Variants in ROBO3 observed in about 807,000 individuals in gnomAD.
The protein encoded by ROBO3 is roundabout homolog 3.
ROBO3 carries 97 observed loss-of-function variants against 160.5 expected under a neutral mutation model. The ratio of observed to expected loss-of-function variants is 0.60; its 90% CI spans 0.51 to 0.72. ROBO3 has a LOEUF of 0.72. Among genes scored for constraint, ROBO3 ranks in the 30% least tolerant of loss-of-function variants. The pLI, the probability that ROBO3 is intolerant of heterozygous loss-of-function variation, is 0.00. For missense variants in ROBO3, 1,858 were observed against 1,846.5 expected, an observed-to-expected ratio of 1.01 and a Z score of -0.11; for synonymous variants, 780 against 746.2, an observed-to-expected ratio of 1.05 and a Z score of -0.74.
In ROBO3 at chr11:124,873,253, C is replaced by G; in HGVS notation, c.1537-57C>G. 6.6e-7 allele frequency: 1 copy of G among 1,512,526 alleles called. No individual in the cohort carries two copies. Among genetic ancestry groups the G allele is most frequent in the Non-Finnish European group, 9.1e-7 (1 of 1,104,572 alleles). The allele number at this position is 1,512,526 out of a possible 1,614,324, so 93.7% of individuals were successfully genotyped here. ...CCATCCTTCTGCTACCCGCCTCCACCCCCTCACTGGATCTTGCTCCACTCT... is the reference window on the plus strand; with the variant it reads ...CCATCCTTCTGCTACCCGCCTCCACGCCCTCACTGGATCTTGCTCCACTCT... On this transcript the variant is annotated intron_variant, in intron 9 of 27. Transcript: ENST00000397801. This position sits in a 1 kb window ranked among gnomAD's most constrained non-coding sequence, Gnocchi z 4.5.
At position 124,877,499 on chromosome 11, in the gene ROBO3, G is replaced by A. The variant is rs748403857; in HGVS notation, c.2847-20G>A. The A allele has an allele frequency of 2.5e-6, 4 of 1,599,632 alleles. No homozygotes were observed. Among genetic ancestry groups the A allele is most frequent in the Admixed American group, 3.5e-5 (2 of 57,680 alleles). On this transcript the variant is annotated intron_variant, in intron 19 of 27. Transcript: ENST00000397801. ...CCTCTTCAGGCTCTCCGTCCCCAACGCTCACCTGCTCTCCCTCAGGCCACC... is the reference window on the plus strand; with the variant it reads ...CCTCTTCAGGCTCTCCGTCCCCAACACTCACCTGCTCTCCCTCAGGCCACC...
Position 124,870,184 on chromosome 11 carries a change from C to G in ROBO3, c.786C>G (p.Arg262=). The change falls in exon 5 of 28, where the codon CGC becomes CGG. Residue 262 remains arginine (R), a synonymous_variant. Transcript: ENST00000397801. ...VMVLERPSFL[R]RPVNQVVLAD... ...CCATAGAGCGTCCCTCATTCCTGCG[C>G]AGACCAGTGAATCAGGTGGTCCTGG... 1 of 1,614,060 alleles carries G rather than the reference C, an allele frequency of 6.2e-7. No homozygotes were observed. Among genetic ancestry groups the G allele is most frequent in the South Asian group, 1.1e-5 (1 of 91,086 alleles).
Position 124,877,540 on chromosome 11 carries a change from C to A in ROBO3, c.2868C>A (p.Pro956=). The change falls in exon 20 of 28, where the codon CCC becomes CCA. Residue 956 remains proline, a synonymous_variant. Transcript: ENST00000397801. ...TCAGGCCACCCATGGGCCTTGGCCCCGCCCCCTACTCATGGCTGGCAGATT... is the reference window on the plus strand; with the variant it reads ...TCAGGCCACCCATGGGCCTTGGCCCAGCCCCCTACTCATGGCTGGCAGATT... ...ASSRPPMGLG[P]APYSWLADSW... 1 of 1,601,122 alleles carries A rather than the reference C, an allele frequency of 6.2e-7. No homozygotes were observed.
At chr11:124,870,827 T>A (rs1946271525) in intron 6 of ROBO3, 99 bp downstream of exon 6, 4 of 1,549,158 alleles carry the variant, frequency 2.6e-6, no homozygotes, top group Admixed American at 1.9e-5. Flanking sequence ...GAGAAGGGCA[T>A]GTGGATGGAA....
chr11:124,879,349 T>C lies in ROBO3; in HGVS notation c.3685+8T>C. The C allele has an allele frequency of 6.2e-7, 1 of 1,607,492 alleles. No homozygotes were observed. The highest frequency in any genetic ancestry group is 8.5e-7 in the Non-Finnish European group (1 of 1,175,642). On this transcript the variant is annotated splice_region_variant and intron_variant, in intron 24 of 27. Coordinates refer to ENST00000397801, the MANE Select transcript of ROBO3 (RefSeq NM_022370.4). ...CAGCCAGCAGTGCCCCAGGTAAGTC[T>C]CTACAACCTCCTTTTGCCCCCCGGC...
chr11:124,875,829 T>C, intron 15 of ROBO3, 125 bp from the exon 16 acceptor site: 7 of 1,440,114 alleles, frequency 4.9e-6, no homozygotes, highest in Non-Finnish European at 6.7e-6. Flanking sequence ...GAGAGAGGTT[T>C]CCAAGTGTTG....
intron 27 of ROBO3, 143 bp downstream of exon 27, chr11:124,880,751 A>G (rs1161708256): frequency 1.0e-5 from 12 of 1,204,612 alleles, no homozygotes; most frequent in Non-Finnish European, 1.3e-5. Context: ...GGAGGGAGGA[A>G]TCCTGTAGAA....
At position 124,877,544 on chromosome 11, in the gene ROBO3, C is replaced by A. The variant is rs1252634425; in HGVS notation, c.2872C>A (p.Pro958Thr). ...SRPPMGLGPA[P>T]YSWLADSWPH... Reference sequence around the variant, plus strand: ...GCCACCCATGGGCCTTGGCCCCGCCCCCTACTCATGGCTGGCAGATTCGTG... The same window carrying A: ...GCCACCCATGGGCCTTGGCCCCGCCACCTACTCATGGCTGGCAGATTCGTG... Residue 958 changes from proline to threonine, a missense_variant, in exon 20 of 28, where the codon CCC becomes ACC. Transcript: ENST00000397801. The A allele has an allele frequency of 1.9e-6, 3 of 1,601,644 alleles. No homozygotes were observed. In the African/African-American group the frequency reaches 4.0e-5, roughly 21 times the overall value.
At chr11:124,867,236 G>T (rs533410493) in intron 1 of ROBO3, among the ~76,000 whole-genome samples, 1 of 152,200 alleles carries the variant, frequency 6.6e-6, no homozygotes, top group Non-Finnish European at 1.5e-5. Context: ...CCAAGATAAG[G>T]TGCATATGCT....
At chr11:124,877,391 G>C in intron 19 of ROBO3, 82 bp downstream of exon 19, 1 of 1,593,378 alleles carries the variant, frequency 6.3e-7, no homozygotes, top group Non-Finnish European at 8.6e-7. Context: ...CCCAGGTGGA[G>C]GGAGCATGGC....
At position 124,878,732 on chromosome 11, in the gene ROBO3, A is replaced by C; in HGVS notation, c.3469A>C (p.Thr1157Pro). 3 of 1,613,620 alleles carry C rather than the reference A, an allele frequency of 1.9e-6. No homozygotes were observed. The highest frequency in any genetic ancestry group is 2.2e-5 in the East Asian group (1 of 44,852). Reference protein sequence around the residue: ...SYGQQSTATLTPSPPDPPQPP... With the variant: ...SYGQQSTATLPPSPPDPPQPP... ...TGGACAGCAGTCCACAGCCACTCTT[A>C]CACCCTCACCTCCTGACCCTCCCCA... is the stretch of plus-strand genomic sequence containing the variant. Residue 1157 changes from threonine to proline, a missense_variant, in exon 23 of 28, where the codon ACA becomes CCA. Thr to Pro is a conservative substitution (Grantham distance 38). Coordinates refer to ENST00000397801, the MANE Select transcript of ROBO3 (RefSeq NM_022370.4). The surrounding 1 kb of genome is among the most constrained non-coding windows in gnomAD (Gnocchi z 4.3).
Position 124,873,242 on chromosome 11 carries a change from C to A in ROBO3, c.1537-68C>A. The A allele has an allele frequency of 6.8e-7, 1 of 1,473,220 alleles. No individual in the cohort carries two copies. Among genetic ancestry groups the A allele is most frequent in the South Asian group, 1.2e-5 (1 of 82,632 alleles). 91.3% of individuals were successfully genotyped at this position (1,473,220 alleles called of 1,614,324 possible). A position where few individuals can be genotyped will look rare whatever the true frequency, so the allele number is the denominator to read the frequency against. The stretch of plus-strand genomic sequence containing the variant: ...CCAACATCTTCCCATCCTTCTGCTA[C>A]CCGCCTCCACCCCCTCACTGGATCT... On this transcript the variant is annotated intron_variant, in intron 9 of 27. Coordinates refer to ENST00000397801, the MANE Select transcript of ROBO3 (RefSeq NM_022370.4). This position sits in a 1 kb window ranked among gnomAD's most constrained non-coding sequence, Gnocchi z 4.5.
chr11:124,871,084 C>T lies in ROBO3; in HGVS notation c.1104C>T (p.Cys368=), dbSNP rs35978862. 72,576 of 1,613,342 alleles carry T rather than the reference C, an allele frequency of 0.045. 3,637 individuals carry two copies. The highest frequency in any genetic ancestry group is 0.26 in the African/African-American group (19,740 of 74,954). The change falls in exon 7 of 28, where the codon TGC becomes TGT. Residue 368 remains cysteine (C), a synonymous_variant. Coordinates refer to ENST00000397801, the MANE Select transcript of ROBO3 (RefSeq NM_022370.4). ...AAPGESVAFQ[C]ETKGNPPPAI... ...CTGGAGAGAGCGTGGCTTTCCAGTG[C>T]GAGACCAAAGGAAACCCCCCACCTG...
intron 20 of ROBO3, 42 bp from the exon 21 acceptor site, chr11:124,877,895 T>A (rs1946437111): frequency 7.2e-7 from 1 of 1,391,642 alleles, no homozygotes. Flanking sequence ...GTCCTCTATG[T>A]TTCTGTCTCT....
At position 124,873,171 on chromosome 11, in the gene ROBO3, C is replaced by T; in HGVS notation, c.1536+82C>T. 1.4e-6 allele frequency: 2 copies of T among 1,469,006 alleles called. No individual in the cohort carries two copies. The highest frequency in any genetic ancestry group is 1.9e-6 in the Non-Finnish European group (2 of 1,064,562). The allele number at this position is 1,469,006 out of a possible 1,614,324, so 91.0% of individuals were successfully genotyped here. Reference sequence around the variant, plus strand: ...TTACACAAGTAAGTACTCACTGGGCCTGTAGCCCCATCTTTACCCCTCTGT... The same window carrying T: ...TTACACAAGTAAGTACTCACTGGGCTTGTAGCCCCATCTTTACCCCTCTGT... On this transcript the variant is annotated intron_variant, in intron 9 of 27. Transcript: ENST00000397801. The surrounding 1 kb of genome is among the most constrained non-coding windows in gnomAD (Gnocchi z 4.5).
At position 124,876,937 on chromosome 11, in the gene ROBO3, G is replaced by C; in HGVS notation, c.2780-224G>C. The C allele has an allele frequency of 1.6e-6, 1 of 634,080 alleles. No homozygotes were observed. Among genetic ancestry groups the C allele is most frequent in the Non-Finnish European group, 2.8e-6 (1 of 353,104 alleles). The allele number at this position is 634,080 out of a possible 1,614,324, so 39.3% of individuals were successfully genotyped here. ...AGAGATTCTGAGGTGTTTGAGGTCA[G>C]TGGTTTTCAATCTTGGTTGGCTACA... On this transcript the variant is annotated intron_variant, in intron 17 of 27. Transcript: ENST00000397801. The surrounding 1 kb of genome is among the most constrained non-coding windows in gnomAD (Gnocchi z 5.3).
chr11:124,867,919 A>T (rs889117462), intron 1 of ROBO3, among the ~76,000 whole-genome samples: 14 of 152,286 alleles, frequency 9.2e-5, no homozygotes, highest in Admixed American at 3.3e-4. Context: ...TGGCTGGACT[A>T]GGGGCTGAGA....
At position 124,875,938 on chromosome 11, in the gene ROBO3, G is replaced by A. The variant is rs112743253; in HGVS notation, c.2422-16G>A. On this transcript the variant is annotated splice_polypyrimidine_tract_variant and intron_variant, in intron 15 of 27. Transcript: ENST00000397801. ...ATCCCATTTCTGACTCTAAATCCGG[G>A]ACTCGGCCTCCCTAGATCTGGTGCC... is the stretch of plus-strand genomic sequence containing the variant. The A allele has an allele frequency of 1.3e-3, 2,054 of 1,587,752 alleles. 23 individuals are homozygous for A. The African/African-American group carries it at 0.024, about 19-fold the overall frequency.
rs878896979 is a variant in ROBO3 at position 124,868,809 on chromosome 11, G to C, written c.168G>C (p.Arg56Ser). ...PPGDPSLNGS[R>S]VGPEDAMPRI... ...GCCACCCCCTGTCCCCAGGGTCAAGGGTAGGACCGGAGGACGCTATGCCCC... is the reference window on the plus strand; with the variant it reads ...GCCACCCCCTGTCCCCAGGGTCAAGCGTAGGACCGGAGGACGCTATGCCCC... The change falls in exon 2 of 28, where the codon AGG (arginine) becomes AGC (serine). Residue 56 changes from arginine to serine, a missense_variant. Arg to Ser is a moderately radical substitution (Grantham distance 110, BLOSUM62 -1). Coordinates refer to ENST00000397801, the MANE Select transcript of ROBO3 (RefSeq NM_022370.4). The C allele has an allele frequency of 1.2e-6, 2 of 1,608,604 alleles. No individual in the cohort carries two copies. Among genetic ancestry groups the C allele is most frequent in the Non-Finnish European group, 1.7e-6 (2 of 1,177,986 alleles).
Sources: allele counts gnomAD v4.1 joint callset (sites outside exome capture counted in the v4.1 genomes callset), GRCh38; gene constraint gnomAD v4.1.1; non-coding constraint Gnocchi (gnomAD v3.1); transcripts MANE v1.5; gene names NCBI Gene and HGNC (gene_info 2026-07-23, HGNC 2026-07-21).